Variants in GALNTL6 observed in about 807,000 individuals in gnomAD.
GALNTL6 encodes polypeptide N-acetylgalactosaminyltransferase like 6.
Under a neutral mutation model 73.7 loss-of-function variants are expected in GALNTL6, and 46 were observed. The ratio of observed to expected loss-of-function variants is 0.62; its 90% CI spans 0.49 to 0.80. The LOEUF (loss-of-function observed/expected upper bound fraction) is 0.80, where lower values mean the gene tolerates loss of function less well. Among genes scored for constraint, GALNTL6 ranks in the 30% least tolerant of loss-of-function variants. The probability of loss-of-function intolerance (pLI) is 0.00; values close to 1 mark genes in which losing one functional copy is unlikely to be tolerated. For synonymous variants in GALNTL6, 259 were observed against 263.7 expected, an observed-to-expected ratio of 0.98 and a Z score of 0.17; for missense variants, 604 against 755.0, an observed-to-expected ratio of 0.80 and a Z score of 2.34.
intron 4 of GALNTL6, among the ~76,000 whole-genome samples, chr4:172,347,444 T>C (rs185265718): frequency 1.2e-4 from 19 of 152,342 alleles, no homozygotes; most frequent in Non-Finnish European, 1.5e-5. Flanking sequence ...GTGTAATGGT[T>C]CTCACAAGTA....
intron 2 of GALNTL6, among the ~76,000 whole-genome samples, chr4:172,051,196 C>T (rs538018409): frequency 6.6e-5 from 10 of 152,100 alleles, no homozygotes; most frequent in South Asian, 6.2e-4. Context: ...AGCATGGAGA[C>T]GGGCAGGTGC....
At position 172,069,477 on chromosome 4, in the gene GALNTL6, T is replaced by G. The variant is rs543926804; in HGVS notation, c.139-160179T>G. On this transcript the variant is annotated intron_variant, in intron 2 of 12. Transcript: ENST00000506823. ...TATAACACACATATAACATATATGT[T>G]ATATATAACACATATGTTATATGTA... Among the ~76,000 whole-genome samples the G allele has an allele frequency of 2.6e-3, 87 of 33,474 alleles. 26 individuals carry two copies. Among genetic ancestry groups the G allele is most frequent in the African/African-American group, 5.4e-3 (86 of 15,832 alleles). The allele number at this position is 33,474 out of a possible 152,430, so 22.0% of individuals were successfully genotyped here.
chr4:171,924,019 T>C (rs1426507528), intron 2 of GALNTL6, among the ~76,000 whole-genome samples: 1 of 151,970 alleles, frequency 6.6e-6, no homozygotes, highest in East Asian at 1.9e-4. Flanking sequence ...AACAAAATTA[T>C]TGGTTGAAAA....
chr4:172,715,413 T>G (rs1735011617), intron 5 of GALNTL6, among the ~76,000 whole-genome samples: 1 of 152,118 alleles, frequency 6.6e-6, no homozygotes. Flanking sequence ...CATAAAAGAG[T>G]GCAGGTTCTG....
intron 2 of GALNTL6, among the ~76,000 whole-genome samples, chr4:171,983,765 A>T (rs992218615): frequency 3.3e-5 from 5 of 152,122 alleles, no homozygotes; most frequent in African/African-American, 4.8e-5. Flanking sequence ...AGAGTCTTGC[A>T]TGACCTACCC....
intron 4 of GALNTL6, among the ~76,000 whole-genome samples, chr4:172,326,560 C>T (rs1471400529): frequency 6.6e-6 from 1 of 151,848 alleles, no homozygotes; most frequent in Non-Finnish European, 1.5e-5. Context: ...ATCTTCTGTA[C>T]ATTTACTTTT....
rs201029293 is a variant in GALNTL6, at chr4:172,487,304, T to G, written c.553+138615T>G. Among the ~76,000 whole-genome samples, 60 of 92,142 alleles carry G rather than the reference T, an allele frequency of 6.5e-4. 1 individual carries two copies. In the South Asian group the frequency reaches 0.012, roughly 18 times the overall value. 60.4% of individuals were successfully genotyped at this position (92,142 alleles called of 152,430 possible). On this transcript the variant is annotated intron_variant, in intron 5 of 12. Coordinates refer to ENST00000506823, the MANE Select transcript of GALNTL6 (RefSeq NM_001034845.3). Reference sequence around the variant, plus strand: ...TTTCTTTCCTTCTTTCCTTCTGTCTTTCTTTCTTTCTTTCTTTCTTTCTTT... The same window carrying G: ...TTTCTTTCCTTCTTTCCTTCTGTCTGTCTTTCTTTCTTTCTTTCTTTCTTT...
At chr4:172,761,661 TGC>T (rs1491542540) in intron 5 of GALNTL6, among the ~76,000 whole-genome samples, 3 of 71,464 alleles carry the variant, frequency 4.2e-5, no homozygotes, top group African/African-American at 2.2e-4. Flanking sequence ...GCTTCGCCCT[TGC>T]TCTCTTTCTC....
chr4:172,624,125 T>A (rs530253165), intron 5 of GALNTL6, among the ~76,000 whole-genome samples: 1 of 152,260 alleles, frequency 6.6e-6, no homozygotes, highest in South Asian at 2.1e-4. Context: ...ACTGTGTTGA[T>A]CAGCACACTT....
intron 5 of GALNTL6, among the ~76,000 whole-genome samples, chr4:172,515,023 G>A (rs1734554605): frequency 6.6e-6 from 1 of 152,152 alleles, no homozygotes; most frequent in Non-Finnish European, 1.5e-5. Context: ...TTCCTAGTAT[G>A]TCCCTCTGGT....
chr4:172,094,995 C>T (rs1190400498), intron 2 of GALNTL6, among the ~76,000 whole-genome samples: 2 of 145,422 alleles, frequency 1.4e-5, no homozygotes, highest in African/African-American at 5.2e-5. Flanking sequence ...TTCTCCCACC[C>T]TTTTATGTTT....
chr4:171,967,452 T>TTGTTTTTTG (rs1283150878), intron 2 of GALNTL6, among the ~76,000 whole-genome samples: 3,520 of 122,554 alleles, frequency 0.029, 179 homozygotes, highest in African/African-American at 0.18. Context: ...TATGGGTTTT[T>TTGTTTTTTG]TTTTTTTTTT....
chr4:172,944,939 T>C (rs1237401734), intron 9 of GALNTL6, among the ~76,000 whole-genome samples: 2 of 151,580 alleles, frequency 1.3e-5, no homozygotes, highest in African/African-American at 4.9e-5. Flanking sequence ...GCGCCTGTAA[T>C]CCCAGCTACT....
chr4:172,988,561 G>A (rs1333336688), intron 10 of GALNTL6, among the ~76,000 whole-genome samples: 1 of 152,196 alleles, frequency 6.6e-6, no homozygotes. Flanking sequence ...CCTAAATAAA[G>A]AGGAGCCAAA....
intron 2 of GALNTL6, among the ~76,000 whole-genome samples, chr4:171,863,886 T>C (rs1735902692): frequency 1.3e-5 from 2 of 152,082 alleles, no homozygotes; most frequent in East Asian, 3.9e-4. Flanking sequence ...GCCCCCAAAG[T>C]AGTTGGGGTT....
In GALNTL6 at chr4:172,888,114, A is replaced by G. The variant is rs147178696; in HGVS notation, c.1041+5207A>G. Among the ~76,000 whole-genome samples the G allele has an allele frequency of 2.8e-3, 429 of 152,210 alleles. 8 individuals carry two copies. The highest frequency in any genetic ancestry group is 2.9e-4 in the Non-Finnish European group (20 of 68,012). Reference sequence around the variant, plus strand: ...CCTTTGTCACATACATAGTTTGCAAATATTTTCTCCCATTCTGTGGGTTGT... The same window carrying G: ...CCTTTGTCACATACATAGTTTGCAAGTATTTTCTCCCATTCTGTGGGTTGT... On this transcript the variant is annotated intron_variant, in intron 8 of 12. Transcript: ENST00000506823.
chr4:171,870,549 AT>A (rs70941373), intron 2 of GALNTL6, among the ~76,000 whole-genome samples: 34,085 of 150,046 alleles, frequency 0.23, 4,503 homozygotes, highest in African/African-American at 0.37. Context: ...TGTTAAGTGT[AT>A]TTTTTTTTTG....
At chr4:171,967,455 T>TTTTTTTTG (rs1553976686) in intron 2 of GALNTL6, among the ~76,000 whole-genome samples, 60,845 of 146,706 alleles carry the variant, frequency 0.41, 15,799 homozygotes, top group Non-Finnish European at 0.56. Context: ...GGGTTTTTTT[T>TTTTTTTTG]TTTTTTTTTT....
At chr4:171,842,805 C>T (rs1735272353) in intron 2 of GALNTL6, among the ~76,000 whole-genome samples, 1 of 152,166 alleles carries the variant, frequency 6.6e-6, no homozygotes, top group Non-Finnish European at 1.5e-5. Context: ...CTGGAAATCA[C>T]ATCTCAACAT....
Sources: allele counts gnomAD v4.1 joint callset (sites outside exome capture counted in the v4.1 genomes callset), GRCh38; gene constraint gnomAD v4.1.1; transcripts MANE v1.5; gene names NCBI Gene and HGNC (gene_info 2026-07-23, HGNC 2026-07-21).